CUBN: variants seen among roughly 807,000 people sequenced by gnomAD.
The protein encoded by CUBN is 460 kDa receptor.
A neutral mutation model predicts 405.3 loss-of-function variants in CUBN; 282 were observed. That is an observed-to-expected ratio of 0.70 (90% confidence interval 0.63 to 0.77). The LOEUF is 0.77. Among genes scored for constraint, CUBN ranks in the 30% least tolerant of loss-of-function variants. The probability of loss-of-function intolerance (pLI) is 0.00; values close to 1 mark genes in which losing one functional copy is unlikely to be tolerated. For missense variants in CUBN, 4,514 were observed against 4,475.2 expected, an observed-to-expected ratio of 1.01 and a Z score of -0.25; for synonymous variants, 1,684 against 1,617.0, an observed-to-expected ratio of 1.04 and a Z score of -0.99.
chr10:16,952,527 A>T, intron 32 of CUBN, 138 bp from the exon 33 acceptor site: 1 of 671,162 alleles, frequency 1.5e-6, no homozygotes, highest in Non-Finnish European at 2.8e-6. Context: ...GTTCTCCATA[A>T]GGAGAGCTGT....
intron 22 of CUBN, among the ~76,000 whole-genome samples, chr10:17,048,776 A>G (rs1588610531): frequency 6.6e-6 from 1 of 152,178 alleles, no homozygotes; most frequent in East Asian, 1.9e-4. Flanking sequence ...GAGTCAAAAT[A>G]ATAATAATAA....
intron 35 of CUBN, among the ~76,000 whole-genome samples, chr10:16,947,728 T>C (rs1218077389): frequency 6.6e-6 from 1 of 152,228 alleles, no homozygotes; most frequent in Non-Finnish European, 1.5e-5. Flanking sequence ...CATGCTTGCT[T>C]TCCCTCTCAG....
chr10:17,029,233 C>T (rs1386772474), intron 27 of CUBN, among the ~76,000 whole-genome samples: 1 of 152,242 alleles, frequency 6.6e-6, no homozygotes, highest in Admixed American at 6.5e-5. Context: ...GGTTCATTAA[C>T]TGCTGCAAAT....
intron 28 of CUBN, among the ~76,000 whole-genome samples, chr10:17,009,540 A>T (rs780850598): frequency 1.3e-5 from 2 of 152,254 alleles, no homozygotes; most frequent in Non-Finnish European, 2.9e-5. Flanking sequence ...AGGCTAGAAC[A>T]GCCTGGAGGG....
At chr10:17,113,967 T>C in intron 8 of CUBN, 60 bp downstream of exon 8, 1 of 1,543,928 alleles carries the variant, frequency 6.5e-7, no homozygotes, top group South Asian at 1.2e-5. Flanking sequence ...GAAAGAAAAT[T>C]GGTTCTGGCA....
intron 54 of CUBN, among the ~76,000 whole-genome samples, chr10:16,892,484 T>A (rs1643546259): frequency 6.6e-6 from 1 of 152,016 alleles, no homozygotes; most frequent in South Asian, 2.1e-4. Flanking sequence ...ATAATCTGTA[T>A]ATATATTTTA....
chr10:16,832,843 G>A (rs1455907040), intron 64 of CUBN, among the ~76,000 whole-genome samples: 4 of 152,112 alleles, frequency 2.6e-5, no homozygotes, highest in Non-Finnish European at 4.4e-5. Flanking sequence ...AGACATTTCC[G>A]TTCCCACCGC....
intron 17 of CUBN, among the ~76,000 whole-genome samples, chr10:17,076,199 T>G (rs1461668778): frequency 1.3e-5 from 2 of 152,122 alleles, no homozygotes; most frequent in Non-Finnish European, 2.9e-5. Context: ...AAGGCAGCTG[T>G]AGTCCAAATG....
At chr10:16,858,744 A>C (rs142116594) in intron 59 of CUBN, among the ~76,000 whole-genome samples, 3 of 152,390 alleles carry the variant, frequency 2.0e-5, no homozygotes, top group Non-Finnish European at 2.9e-5. Context: ...AGCTATAGTA[A>C]TCAAGACAGT....
At chr10:16,826,076 T>A (rs971157974) in intron 66 of CUBN, among the ~76,000 whole-genome samples, 1 of 152,226 alleles carries the variant, frequency 6.6e-6, no homozygotes, top group Admixed American at 6.5e-5. Context: ...TCTCCTTTGA[T>A]TCTCCTTGTT....
chr10:17,088,552 C>A (rs551340428), intron 14 of CUBN, among the ~76,000 whole-genome samples: 11 of 152,262 alleles, frequency 7.2e-5, no homozygotes, highest in Admixed American at 5.9e-4. Flanking sequence ...AATGAATCAC[C>A]CATGTGTCAA....
chr10:17,073,885 G>A (rs532874189), intron 17 of CUBN, among the ~76,000 whole-genome samples: 50 of 152,280 alleles, frequency 3.3e-4, no homozygotes, highest in Non-Finnish European at 6.8e-4. Context: ...GATTGTTGAA[G>A]CAAACAGATG....
intron 7 of CUBN, among the ~76,000 whole-genome samples, chr10:17,114,977 C>T (rs1307874025): frequency 2.0e-5 from 3 of 152,202 alleles, no homozygotes; most frequent in Non-Finnish European, 2.9e-5. Context: ...GGCACGGTGG[C>T]TCATGCCTGT....
In CUBN at chr10:16,828,997, G is replaced by A. The variant is rs371680498; in HGVS notation, c.10572C>T (p.Ser3524=). The A allele has an allele frequency of 3.7e-6, 6 of 1,614,034 alleles. No homozygotes were observed. The highest frequency in any genetic ancestry group is 4.2e-6 in the Non-Finnish European group (5 of 1,180,034). The change falls in exon 66 of 67, where the codon AGC becomes AGT. Residue 3524 remains serine (S), a synonymous_variant. Coordinates refer to ENST00000377833, the MANE Select transcript of CUBN (RefSeq NM_001081.4). ...TTGGGTATGTGCCTGGATAGCCGGGGCTGGTGAATGAGCCTCTGTCTCCAT... is the reference window on the plus strand; with the variant it reads ...TTGGGTATGTGCCTGGATAGCCGGGACTGGTGAATGAGCCTCTGTCTCCAT... ...TLYGDRGSFT[S]PGYPGTYPNN... is the part of the protein sequence containing the mutation.
intron 36 of CUBN, among the ~76,000 whole-genome samples, chr10:16,942,595 T>C (rs961992855): frequency 6.6e-6 from 1 of 152,108 alleles, no homozygotes; most frequent in African/African-American, 2.4e-5. Flanking sequence ...CTGATGAGGA[T>C]ATGGAGAAAT....
intron 8 of CUBN, among the ~76,000 whole-genome samples, chr10:17,113,660 A>C (rs973956053): frequency 6.6e-6 from 1 of 152,048 alleles, no homozygotes; most frequent in Non-Finnish European, 1.5e-5. Flanking sequence ...ACTGTGGTGG[A>C]GATGCAAAGA....
chr10:16,840,592 C>A (rs1839317565), intron 61 of CUBN, 57 bp from the exon 62 acceptor site: 2 of 1,376,200 alleles, frequency 1.5e-6, no homozygotes, highest in Middle Eastern at 2.4e-4. Flanking sequence ...TCATCTCAGG[C>A]AATCTTTGCA....
intron 62 of CUBN, among the ~76,000 whole-genome samples, chr10:16,839,969 A>G (rs1839291460): frequency 6.6e-6 from 1 of 151,706 alleles, no homozygotes; most frequent in African/African-American, 2.4e-5. Flanking sequence ...CGCAAGGACA[A>G]AAAACCAAAC....
intron 55 of CUBN, 44 bp downstream of exon 55, chr10:16,890,327 C>T (rs1840965846): frequency 1.2e-6 from 2 of 1,607,894 alleles, no homozygotes; most frequent in East Asian, 2.2e-5. Flanking sequence ...GTGACAACCA[C>T]ACTCCCGCAA....
Sources: gnomAD v4.1 joint callset for allele counts (sites outside exome capture counted in the v4.1 genomes callset) on GRCh38, gnomAD v4.1.1 for gene constraint, MANE v1.5 for transcripts, NCBI Gene and HGNC (gene_info 2026-07-23, HGNC 2026-07-21) for gene names.